CSTPP1: variants seen among roughly 807,000 people sequenced by gnomAD.
The protein encoded by CSTPP1 is centriolar satellite-associated tubulin polyglutamylase complex regulator 1.
the CSTPP1 span, chr11:47,109,109 T>A: frequency 6.6e-6 from 1 of 152,202 alleles, no homozygotes; most frequent in Non-Finnish European, 1.5e-5. Context: ...AAGATCTGGC[T>A]GCAGACTTTG....
At chr11:47,046,821 A>G in the CSTPP1 span, among the ~76,000 whole-genome samples, 1 of 148,052 alleles carries the variant, frequency 6.8e-6, no homozygotes. Flanking sequence ...ATCCACCACC[A>G]TGCCCGACTA....
At chr11:47,031,839 A>T in the CSTPP1 span, among the ~76,000 whole-genome samples, 8 of 152,170 alleles carry the variant, frequency 5.3e-5, 1 homozygote, top group Admixed American at 5.2e-4. Flanking sequence ...ATTAACTCAC[A>T]CAATCACAAG....
the CSTPP1 span, among the ~76,000 whole-genome samples, chr11:47,077,702 G>A: frequency 6.6e-6 from 1 of 152,146 alleles, no homozygotes; most frequent in South Asian, 2.1e-4. Flanking sequence ...GTAGTTGCAG[G>A]ACAACAGTTT....
chr11:47,087,726 T>C, the CSTPP1 span, among the ~76,000 whole-genome samples: 1 of 152,108 alleles, frequency 6.6e-6, no homozygotes, highest in Non-Finnish European at 1.5e-5. Flanking sequence ...TATGTGTGTG[T>C]GTGTGTGTGT....
chr11:46,948,077 C>T, the CSTPP1 span: 12 of 456,156 alleles, frequency 2.6e-5, no homozygotes, highest in Middle Eastern at 3.2e-4. Flanking sequence ...AAAGGCCACA[C>T]GTCTTCGGCT....
chr11:47,031,908 T>C, the CSTPP1 span, among the ~76,000 whole-genome samples: 1 of 152,108 alleles, frequency 6.6e-6, no homozygotes, highest in Non-Finnish European at 1.5e-5. Flanking sequence ...ACTGAAGAAC[T>C]TGGAGTCCAA....
At chr11:46,998,942 G>A in the CSTPP1 span, among the ~76,000 whole-genome samples, 1 of 151,900 alleles carries the variant, frequency 6.6e-6, no homozygotes, top group Non-Finnish European at 1.5e-5. Flanking sequence ...GGGCTTCACC[G>A]TGTTAGCCAG....
chr11:47,142,984 G>A, the CSTPP1 span, among the ~76,000 whole-genome samples: 1 of 152,164 alleles, frequency 6.6e-6, no homozygotes, highest in African/African-American at 2.4e-5. Flanking sequence ...AGCAGTCTGA[G>A]GGAATTATGG....
the CSTPP1 span, among the ~76,000 whole-genome samples, chr11:47,147,874 T>C: frequency 6.6e-6 from 1 of 152,236 alleles, no homozygotes; most frequent in Admixed American, 6.5e-5. Context: ...GGGTGTGTAG[T>C]GCTGACAGAG....
the CSTPP1 span, chr11:47,155,587 A>G: frequency 2.6e-6 from 1 of 384,626 alleles, no homozygotes. Context: ...AAAACTTACT[A>G]TGTCCCAGGC....
At chr11:47,125,321 C>T in the CSTPP1 span, among the ~76,000 whole-genome samples, 14 of 152,148 alleles carry the variant, frequency 9.2e-5, no homozygotes, top group East Asian at 1.5e-3. Flanking sequence ...TGGATTCTGA[C>T]GAGAAAACAG....
the CSTPP1 span, among the ~76,000 whole-genome samples, chr11:47,006,833 CCT>C: frequency 2.7e-5 from 4 of 150,740 alleles, no homozygotes; most frequent in Admixed American, 2.6e-4. Flanking sequence ...CTCAAGTGAT[CCT>C]CCTGCCTCGC....
At chr11:46,991,469 A>G in the CSTPP1 span, 1 of 152,216 alleles carries the variant, frequency 6.6e-6, no homozygotes, top group Non-Finnish European at 1.5e-5. Context: ...ATTTGTTCTC[A>G]TGATGTGGGC....
At chr11:47,042,652 T>C in the CSTPP1 span, among the ~76,000 whole-genome samples, 3 of 150,952 alleles carry the variant, frequency 2.0e-5, no homozygotes, top group Non-Finnish European at 4.4e-5. Flanking sequence ...CTTCAACAAC[T>C]TAAAGAATAA....
chr11:46,952,406 G>T, the CSTPP1 span, among the ~76,000 whole-genome samples: 1 of 152,238 alleles, frequency 6.6e-6, no homozygotes, highest in Admixed American at 6.5e-5. Context: ...TGCCAACGAG[G>T]CAGGGAATTT....
At chr11:47,011,857 G>T in the CSTPP1 span, among the ~76,000 whole-genome samples, 4 of 152,158 alleles carry the variant, frequency 2.6e-5, no homozygotes, top group South Asian at 6.2e-4. Context: ...ATATGCAGTA[G>T]TATGTGGATT....
chr11:47,064,009 A>G, the CSTPP1 span, among the ~76,000 whole-genome samples: 1 of 152,108 alleles, frequency 6.6e-6, no homozygotes, highest in Non-Finnish European at 1.5e-5. Context: ...TATTTTTCTG[A>G]TAATAGCCAT....
chr11:47,161,401 T>C, the CSTPP1 span: 1 of 1,602,360 alleles, frequency 6.2e-7, no homozygotes. Context: ...AGAGTGGGCA[T>C]GGAGGCCCTG....
the CSTPP1 span, among the ~76,000 whole-genome samples, chr11:47,091,588 T>C: frequency 2.6e-5 from 4 of 152,224 alleles, no homozygotes; most frequent in African/African-American, 9.7e-5. Flanking sequence ...TTATTATTTA[T>C]TCATGTGACC....
Sources: gnomAD v4.1 joint callset for allele counts (sites outside exome capture counted in the v4.1 genomes callset) on GRCh38, gnomAD v4.1.1 for gene constraint, MANE v1.5 for transcripts, NCBI Gene and HGNC (gene_info 2026-07-23, HGNC 2026-07-21) for gene names.